OR5A2: variants seen among roughly 807,000 people sequenced by gnomAD.
OR5A2 encodes the protein olfactory receptor family 5 subfamily A member 2, also known as olfactory receptor 5A2.
For synonymous variants in OR5A2, 155 were observed against 151.1 expected (o/e 1.03, Z -0.19); for missense variants, 406 against 398.9 (o/e 1.02, Z -0.15).
In OR5A2 at chr11:59,418,992, A is replaced by G. The variant is rs975542827; in HGVS notation, c.*2987T>C. On this transcript the variant is annotated 3_prime_UTR_variant, in exon 2 of 2. Transcript: ENST00000302040. ...AATGACTACCATTTTGAAAATTGAT[A>G]AACTGAAGGATAGGAGCTTGGTGAG... The G allele has an allele frequency of 1.3e-5, 2 of 152,130 alleles. No homozygotes were observed. Among genetic ancestry groups the G allele is most frequent in the African/African-American group, 2.4e-5 (1 of 41,440 alleles). The allele number at this position is 152,130 out of a possible 1,614,324, so 9.4% of individuals were successfully genotyped here.
Position 59,422,306 on chromosome 11 carries a change from G to T in OR5A2, c.648C>A (p.Leu216=), listed in dbSNP as rs200297951. 2.6e-5 allele frequency: 42 copies of T among 1,614,084 alleles called. No homozygotes were observed. The highest frequency in any genetic ancestry group is 3.5e-5 in the Non-Finnish European group (41 of 1,180,004). Residue 216 remains leucine (L), a synonymous_variant, in exon 2 of 2, where the codon CTC becomes CTA. Coordinates refer to ENST00000302040, the MANE Select transcript of OR5A2 (RefSeq NM_001001954.2). ...VVGIVSVLVV[L]ISYGYIVAAV... ...CAGCAACAATGTAACCATAAGAGATGAGGACCACTAGCACAGACACTATTC... is the reference window on the plus strand; with the variant it reads ...CAGCAACAATGTAACCATAAGAGATTAGGACCACTAGCACAGACACTATTC...
At position 59,421,818 on chromosome 11, in the gene OR5A2, A is replaced by G. The variant is rs1330710161; in HGVS notation, c.*161T>C. ...AATGCTATTCATTTTACAAGCAACA[A>G]TGGCCAAAATGTTTTCTAATAGCCA... is the stretch of plus-strand genomic sequence containing the variant. On this transcript the variant is annotated 3_prime_UTR_variant, in exon 2 of 2. Coordinates refer to ENST00000302040, the MANE Select transcript of OR5A2 (RefSeq NM_001001954.2). 1.3e-6 allele frequency: 1 copy of G among 747,576 alleles called. No homozygotes were observed. Among genetic ancestry groups the G allele is most frequent in the South Asian group, 2.1e-5 (1 of 47,356 alleles). The allele number at this position is 747,576 out of a possible 1,614,324, so 46.3% of individuals were successfully genotyped here. A position where few individuals can be genotyped will look rare whatever the true frequency, so the allele number is the denominator to read the frequency against.
rs1858178851 is a variant in OR5A2, at chr11:59,418,116, G to T, written c.*3863C>A. On this transcript the variant is annotated 3_prime_UTR_variant, in exon 2 of 2. Transcript: ENST00000302040. ...CAGTCATCTTGGAAGAAAGGAAAAG[G>T]AATGCTTGGGGAGAAAAATTGGTAG... 1 of 152,094 alleles carries T rather than the reference G, an allele frequency of 6.6e-6. No homozygotes were observed. Among genetic ancestry groups the T allele is most frequent in the Non-Finnish European group, 1.5e-5 (1 of 68,020 alleles). 9.4% of individuals were successfully genotyped at this position (152,094 alleles called of 1,614,324 possible). A position where few individuals can be genotyped will look rare whatever the true frequency, so the allele number is the denominator to read the frequency against.
chr11:59,422,957 C>A lies in OR5A2; in HGVS notation c.-4G>T. ...TGTTGTTCCTTCCTACAGCCATAGG[C>A]CTGCTTCCTGCATAAAGTCTTTACT... On this transcript the variant is annotated 5_prime_UTR_variant, in exon 2 of 2. Coordinates refer to ENST00000302040, the MANE Select transcript of OR5A2 (RefSeq NM_001001954.2). The A allele has an allele frequency of 6.2e-7, 1 of 1,604,098 alleles. No individual in the cohort carries two copies.
rs902262050 is a variant in OR5A2, at chr11:59,417,737, C to A, written c.*4242G>T. On this transcript the variant is annotated 3_prime_UTR_variant, in exon 2 of 2. Transcript: ENST00000302040. ...TGGATGATCACAGAGTAGGCAAGCT[C>A]TAGGTTTGTGAAGGTTTAAGACTAG... 2 of 151,962 alleles carry A rather than the reference C, an allele frequency of 1.3e-5. No individual in the cohort carries two copies. Among genetic ancestry groups the A allele is most frequent in the African/African-American group, 2.4e-5 (1 of 41,372 alleles). The allele number at this position is 151,962 out of a possible 1,614,324, so 9.4% of individuals were successfully genotyped here.
At position 59,420,802 on chromosome 11, in the gene OR5A2, G is replaced by A. The variant is rs1858212188; in HGVS notation, c.*1177C>T. On this transcript the variant is annotated 3_prime_UTR_variant, in exon 2 of 2. Transcript: ENST00000302040. ...CTCTTCCAGAATTAATCACAGCCCT[G>A]GTAAAAATAGAGAACTTTTCATCCC... 6.6e-6 allele frequency: 1 copy of A among 152,100 alleles called. No individual in the cohort carries two copies. Among genetic ancestry groups the A allele is most frequent in the Admixed American group, 6.6e-5 (1 of 15,262 alleles). 9.4% of individuals were successfully genotyped at this position (152,100 alleles called of 1,614,324 possible).
At chr11:59,424,641 A>G (rs1858273214) in intron 1 of OR5A2, 1 of 152,236 alleles carries the variant, frequency 6.6e-6, no homozygotes, top group Non-Finnish European at 1.5e-5. Context: ...ACAAATGCGT[A>G]TAAAGAGGCA....
rs1332389986 is a variant in OR5A2, at chr11:59,420,905, A to G, written c.*1074T>C. On this transcript the variant is annotated 3_prime_UTR_variant, in exon 2 of 2. Transcript: ENST00000302040. ...GAAAGCTGTCACTTTGGGCTTAAGC[A>G]ATAATTCCTTGGTTTTATTCAAATT... is the stretch of plus-strand genomic sequence containing the variant. 1 of 152,182 alleles carries G rather than the reference A, an allele frequency of 6.6e-6. No individual in the cohort carries two copies. Among genetic ancestry groups the G allele is most frequent in the Non-Finnish European group, 1.5e-5 (1 of 68,034 alleles). The allele number at this position is 152,182 out of a possible 1,614,324, so 9.4% of individuals were successfully genotyped here.
At position 59,421,881 on chromosome 11, in the gene OR5A2, A is replaced by C. The variant is rs1858225087; in HGVS notation, c.*98T>G. 1 of 1,334,436 alleles carries C rather than the reference A, an allele frequency of 7.5e-7. No homozygotes were observed. The highest frequency in any genetic ancestry group is 1.0e-6 in the Non-Finnish European group (1 of 983,330). 82.7% of individuals were successfully genotyped at this position (1,334,436 alleles called of 1,614,324 possible). ...TTAGTGAAATCTTAAGCAGGAGGGA[A>C]AAAAGCCTGATTCCCACAATTCATT... On this transcript the variant is annotated 3_prime_UTR_variant, in exon 2 of 2. Transcript: ENST00000302040.
chr11:59,425,624 G>C (rs1858293116), intron 1 of OR5A2: 1 of 152,128 alleles, frequency 6.6e-6, no homozygotes, highest in African/African-American at 2.4e-5. Context: ...CCTTCCCAAA[G>C]TTACTTCAGC....
In OR5A2 at chr11:59,419,189, T is replaced by C. The variant is rs1189626107; in HGVS notation, c.*2790A>G. 6.6e-6 allele frequency: 1 copy of C among 152,110 alleles called. No individual in the cohort carries two copies. The highest frequency in any genetic ancestry group is 2.4e-5 in the African/African-American group (1 of 41,432). The allele number at this position is 152,110 out of a possible 1,614,324, so 9.4% of individuals were successfully genotyped here. On this transcript the variant is annotated 3_prime_UTR_variant, in exon 2 of 2. Transcript: ENST00000302040. Reference sequence around the variant, plus strand: ...GCAAGAGAAATCATAGAGATAGTAATATGGGTGCACCTGTTGGCTGAGACT... The same window carrying C: ...GCAAGAGAAATCATAGAGATAGTAACATGGGTGCACCTGTTGGCTGAGACT...
At chr11:59,425,051 A>C (rs1858279365) in intron 1 of OR5A2, 1 of 152,128 alleles carries the variant, frequency 6.6e-6, no homozygotes. Flanking sequence ...CACCTTGCCC[A>C]CTGCCTAGAC....
intron 1 of OR5A2, chr11:59,425,693 G>A (rs1052352683): frequency 3.3e-5 from 5 of 152,224 alleles, no homozygotes; most frequent in Non-Finnish European, 7.3e-5. Context: ...GAGTCAGGTA[G>A]ATATGATTTC....
Position 59,423,058 on chromosome 11 carries a change from C to T in OR5A2, c.-91-14G>A. The T allele has an allele frequency of 1.4e-6, 1 of 691,934 alleles. No individual in the cohort carries two copies. Among genetic ancestry groups the T allele is most frequent in the Non-Finnish European group, 2.3e-6 (1 of 443,750 alleles). The allele number at this position is 691,934 out of a possible 1,614,324, so 42.9% of individuals were successfully genotyped here. A position where few individuals can be genotyped will look rare whatever the true frequency, so the allele number is the denominator to read the frequency against. ...AGTGGGTATTTCCTAGAAGATCATACAAACAGTCAGCAACAAGTTAAACTA... is the reference window on the plus strand; with the variant it reads ...AGTGGGTATTTCCTAGAAGATCATATAAACAGTCAGCAACAAGTTAAACTA... On this transcript the variant is annotated splice_polypyrimidine_tract_variant and intron_variant, in intron 1 of 1. Coordinates refer to ENST00000302040, the MANE Select transcript of OR5A2 (RefSeq NM_001001954.2).
rs758677763 is a variant in OR5A2, at chr11:59,417,151, A to C, written c.*4828T>G. ...CACAAGATGAATTCTCTGTTTTTCT[A>C]TGAGGTCTCCCCGGGTCCCAGCTGC... On this transcript the variant is annotated 3_prime_UTR_variant, in exon 2 of 2. Transcript: ENST00000302040. 1 of 151,996 alleles carries C rather than the reference A, an allele frequency of 6.6e-6. No individual in the cohort carries two copies. The highest frequency in any genetic ancestry group is 1.5e-5 in the Non-Finnish European group (1 of 67,960). 9.4% of individuals were successfully genotyped at this position (151,996 alleles called of 1,614,324 possible).
At chr11:59,424,062 T>G (rs977842026) in intron 1 of OR5A2, 3 of 152,142 alleles carry the variant, frequency 2.0e-5, no homozygotes, top group African/African-American at 7.2e-5. Context: ...AGACAAGAGG[T>G]AAGCCCATAC....
At position 59,423,034 on chromosome 11, in the gene OR5A2, G is replaced by C. The variant is rs1278149505; in HGVS notation, c.-81C>G. 2.2e-6 allele frequency: 3 copies of C among 1,362,342 alleles called. No individual in the cohort carries two copies. The African/African-American group carries it at 4.4e-5, about 20-fold the overall frequency. 84.4% of individuals were successfully genotyped at this position (1,362,342 alleles called of 1,614,324 possible). A position where few individuals can be genotyped will look rare whatever the true frequency, so the allele number is the denominator to read the frequency against. ...CTAGATTTTGTTTGTTATTGTAAGA[G>C]TGGGTATTTCCTAGAAGATCATACA... On this transcript the variant is annotated 5_prime_UTR_variant, in exon 2 of 2. Coordinates refer to ENST00000302040, the MANE Select transcript of OR5A2 (RefSeq NM_001001954.2).
Position 59,417,903 on chromosome 11 carries a change from GACA to G in OR5A2, c.*4073_*4075del, listed in dbSNP as rs1858175633. On this transcript the variant is annotated 3_prime_UTR_variant, in exon 2 of 2. Coordinates refer to ENST00000302040, the MANE Select transcript of OR5A2 (RefSeq NM_001001954.2). Reference sequence around the variant, plus strand: ...GTAAGTGAATGTTGATGGTGCATAGGACAACAACAAGGTGTCTACAAAACTCTA... The same window carrying G: ...GTAAGTGAATGTTGATGGTGCATAGGACAACAAGGTGTCTACAAAACTCTA... The G allele has an allele frequency of 6.6e-6, 1 of 151,966 alleles. No homozygotes were observed. The highest frequency in any genetic ancestry group is 1.5e-5 in the Non-Finnish European group (1 of 67,946). The allele number at this position is 151,966 out of a possible 1,614,324, so 9.4% of individuals were successfully genotyped here. A position where few individuals can be genotyped will look rare whatever the true frequency, so the allele number is the denominator to read the frequency against.
At position 59,418,935 on chromosome 11, in the gene OR5A2, G is replaced by C. The variant is rs1174807316; in HGVS notation, c.*3044C>G. On this transcript the variant is annotated 3_prime_UTR_variant, in exon 2 of 2. Coordinates refer to ENST00000302040, the MANE Select transcript of OR5A2 (RefSeq NM_001001954.2). ...ATAGCTCCATGTAAATCCAAAGCAT[G>C]AGACATTTTCATTAGTTAATTGTGT... is the stretch of plus-strand genomic sequence containing the variant. 6.6e-6 allele frequency: 1 copy of C among 152,138 alleles called. No homozygotes were observed. Among genetic ancestry groups the C allele is most frequent in the South Asian group, 2.1e-4 (1 of 4,828 alleles). 9.4% of individuals were successfully genotyped at this position (152,138 alleles called of 1,614,324 possible). A position where few individuals can be genotyped will look rare whatever the true frequency, so the allele number is the denominator to read the frequency against.
Sources: allele counts gnomAD v4.1 joint callset, GRCh38; gene constraint gnomAD v4.1.1; transcripts MANE v1.5; gene names NCBI Gene and HGNC (gene_info 2026-07-23, HGNC 2026-07-21).